Variants in USPL1 observed in about 807,000 individuals in gnomAD.
USPL1 encodes SUMO-specific isopeptidase USPL1.
USPL1 carries 27 observed loss-of-function variants against 51.5 expected under a neutral mutation model. The ratio of observed to expected loss-of-function variants is 0.52; its 90% confidence interval spans 0.39 to 0.72. The LOEUF (loss-of-function observed/expected upper bound fraction) is 0.72, where lower values mean the gene tolerates loss of function less well. Among genes scored for constraint, USPL1 ranks in the 30% least tolerant of loss-of-function variants. USPL1 has a pLI of 0.00. For synonymous variants in USPL1, 451 were observed against 459.6 expected (o/e 0.98, Z 0.24); for missense variants, 1,226 against 1,268.0 (o/e 0.97, Z 0.50).
chr13:30,635,981 C>T (rs1009765065), intron 4 of USPL1, among the ~76,000 whole-genome samples: 1 of 152,078 alleles, frequency 6.6e-6, no homozygotes, highest in East Asian at 1.9e-4. Flanking sequence ...TTCTAACCAC[C>T]TTTGGTTAGA....
At chr13:30,618,700 G>A (rs919714873) in intron 1 of USPL1, among the ~76,000 whole-genome samples, 1 of 152,124 alleles carries the variant, frequency 6.6e-6, no homozygotes, top group Non-Finnish European at 1.5e-5. Context: ...GGCTTCTGGA[G>A]TATAAGTGGT....
Position 30,658,034 on chromosome 13 carries a change from A to G in USPL1, c.1957A>G (p.Ser653Gly). The change falls in exon 9 of 9, where the codon AGT becomes GGT. Residue 653 changes from serine to glycine, a missense_variant. Physicochemically the swap from Ser to Gly is moderately conservative, Grantham distance 56. Transcript: ENST00000255304. The stretch of plus-strand genomic sequence containing the variant: ...TATTCAAGACCAATTTGTGGACATA[A>G]GTTTTCCATCCCAAGTTGTAAATAC... ...KLIQDQFVDI[S>G]FPSQVVNTNM... 1 of 1,613,226 alleles carries G rather than the reference A, an allele frequency of 6.2e-7. No individual in the cohort carries two copies. Among genetic ancestry groups the G allele is most frequent in the Non-Finnish European group, 8.5e-7 (1 of 1,179,944 alleles).
At chr13:30,644,417 T>G (rs1263936548) in intron 6 of USPL1, among the ~76,000 whole-genome samples, 1 of 151,524 alleles carries the variant, frequency 6.6e-6, no homozygotes, top group Admixed American at 6.6e-5. Context: ...AGGTTTTGTT[T>G]TTTTTTTAAC....
chr13:30,626,334 A>C (rs1320349168), intron 3 of USPL1, among the ~76,000 whole-genome samples: 4 of 152,002 alleles, frequency 2.6e-5, no homozygotes, highest in African/African-American at 7.2e-5. Flanking sequence ...ATAAATAAAT[A>C]AATAAATAAA....
At chr13:30,620,900 G>T (rs1173704205) in intron 1 of USPL1, among the ~76,000 whole-genome samples, 173 bp from the exon 2 acceptor site, 1 of 152,036 alleles carries the variant, frequency 6.6e-6, no homozygotes, top group Non-Finnish European at 1.5e-5. Flanking sequence ...AATTTGCTGG[G>T]TTTATAAATA....
At chr13:30,647,641 TC>T (rs990531479) in intron 7 of USPL1, among the ~76,000 whole-genome samples, 11 of 152,180 alleles carry the variant, frequency 7.2e-5, no homozygotes, top group South Asian at 6.2e-4. Flanking sequence ...CAGTTCCATC[TC>T]AGGCCGTTTC....
chr13:30,628,734 G>A (rs968230765), intron 3 of USPL1, among the ~76,000 whole-genome samples: 6 of 152,282 alleles, frequency 3.9e-5, no homozygotes, highest in African/African-American at 7.2e-5. Flanking sequence ...TTACTTTTAA[G>A]GTTGAGTAAT....
chr13:30,643,596 T>TC (rs1950976615), intron 6 of USPL1, among the ~76,000 whole-genome samples: 21 of 96,286 alleles, frequency 2.2e-4, no homozygotes, highest in African/African-American at 1.3e-3. Flanking sequence ...AAATAACTCT[T>TC]TCCACCCCCC....
chr13:30,651,166 C>T (rs544912982), intron 7 of USPL1, among the ~76,000 whole-genome samples: 180 of 152,178 alleles, frequency 1.2e-3, no homozygotes, highest in Non-Finnish European at 2.1e-3. Context: ...GTGTACTGGT[C>T]GATCTTGTGG....
Position 30,630,834 on chromosome 13 carries a change from G to A in USPL1, c.229-1G>A. 1 of 1,573,438 alleles carries A rather than the reference G, an allele frequency of 6.4e-7. No individual in the cohort carries two copies. The highest frequency in any genetic ancestry group is 8.6e-7 in the Non-Finnish European group (1 of 1,162,864). On this transcript the variant is annotated splice_acceptor_variant, in intron 3 of 8. Transcript: ENST00000255304. LOFTEE classifies it high-confidence loss of function. ...TTTATCATTTTATTTTTACTTTCCA[G>A]TGCATCTATCCTTTGGGCTCTAAAT...
In USPL1 at chr13:30,658,917, AT is replaced by A; in HGVS notation, c.2841del (p.Asp947GlufsTer26). 6.2e-7 allele frequency: 1 copy of A among 1,614,182 alleles called. No homozygotes were observed. The highest frequency in any genetic ancestry group is 8.5e-7 in the Non-Finnish European group (1 of 1,180,038). ...DLLNELPYPI[D>X]IASESACTTV... ...TTAAATGAGCTACCATATCCAATTG[AT>A]ATTGCCAGTGAGTCTGCATGCACCA... On this transcript the variant is annotated frameshift_variant, in exon 9 of 9. Coordinates refer to ENST00000255304, the MANE Select transcript of USPL1 (RefSeq NM_005800.5). LOFTEE classifies it low-confidence loss of function (END_TRUNC).
chr13:30,637,294 G>T (rs976016237), intron 4 of USPL1, among the ~76,000 whole-genome samples: 36 of 152,082 alleles, frequency 2.4e-4, no homozygotes, highest in African/African-American at 8.5e-4. Flanking sequence ...TATTAGTTTG[G>T]GAAATAATTG....
intron 3 of USPL1, 21 bp downstream of exon 3, chr13:30,621,913 A>C: frequency 7.2e-7 from 1 of 1,384,660 alleles, no homozygotes; most frequent in Non-Finnish European, 9.5e-7. Context: ...AATCTTATAT[A>C]GTATATATAA....
intron 6 of USPL1, 72 bp from the exon 7 acceptor site, chr13:30,646,860 C>G: frequency 6.6e-7 from 1 of 1,512,552 alleles, no homozygotes. Context: ...GGGAGGAATA[C>G]TTTTAGACAT....
chr13:30,646,288 G>A (rs1341373924), intron 6 of USPL1, among the ~76,000 whole-genome samples: 2 of 151,906 alleles, frequency 1.3e-5, no homozygotes, highest in African/African-American at 2.4e-5. Flanking sequence ...AGACTAAAGT[G>A]CAAATTTAGA....
intron 7 of USPL1, among the ~76,000 whole-genome samples, chr13:30,647,593 C>T (rs899001529): frequency 6.6e-6 from 1 of 152,112 alleles, no homozygotes; most frequent in Non-Finnish European, 1.5e-5. Context: ...TTACCTTTTC[C>T]AGTATTACCA....
At chr13:30,634,235 C>G (rs899309900) in intron 4 of USPL1, among the ~76,000 whole-genome samples, 1 of 152,136 alleles carries the variant, frequency 6.6e-6, no homozygotes, top group Non-Finnish European at 1.5e-5. Flanking sequence ...CTAAGTGAAC[C>G]ACAGGCAGGA....
In USPL1 at chr13:30,627,434, A is replaced by G. The variant is rs181481408; in HGVS notation, c.229-3401A>G. The stretch of plus-strand genomic sequence containing the variant: ...GTGGGAGCACAGATTATATAGAGAA[A>G]AGTCAGTGAAGACACTTGCGAAGAG... On this transcript the variant is annotated intron_variant, in intron 3 of 8. Transcript: ENST00000255304. Among the ~76,000 whole-genome samples the G allele has an allele frequency of 6.6e-4, 101 of 152,238 alleles. 1 individual carries two copies. Among genetic ancestry groups the G allele is most frequent in the African/African-American group, 2.4e-3 (98 of 41,570 alleles).
intron 3 of USPL1, among the ~76,000 whole-genome samples, chr13:30,626,531 A>T (rs1348459383): frequency 6.6e-6 from 1 of 152,130 alleles, no homozygotes; most frequent in Non-Finnish European, 1.5e-5. Flanking sequence ...ATAAAATCTA[A>T]ATATTTATTA....
Sources: gnomAD v4.1 joint callset for allele counts (sites outside exome capture counted in the v4.1 genomes callset) on GRCh38, gnomAD v4.1.1 for gene constraint, MANE v1.5 for transcripts, NCBI Gene and HGNC (gene_info 2026-07-23, HGNC 2026-07-21) for gene names.